Variants in ANKMY1 observed in about 807,000 individuals in gnomAD.
The protein encoded by ANKMY1 is ankyrin repeat and MYND domain containing 1.
In ANKMY1, 98 loss-of-function variants were observed where a neutral mutation model predicts 102.0. The observed-to-expected ratio is 0.96, with a 90% CI of 0.82 to 1.14. ANKMY1 has a LOEUF of 1.14. ANKMY1 is among the 50% of genes most tolerant of loss of function. The pLI is 0.00. For missense variants in ANKMY1, 1,330 were observed against 1,347.6 expected (o/e 0.99, Z 0.20); for synonymous variants, 582 against 559.9 (o/e 1.04, Z -0.56).
Position 240,529,308 on chromosome 2 carries a change from T to C in ANKMY1, c.682A>G (p.Lys228Glu). ...CCCTCCTGCAGTCCCCACTCCGTTT[T>C]CTCCTCTTCTGAGAGGCTGATCCTG... is the stretch of plus-strand genomic sequence containing the variant. ...PARISLSEEE[K>E]TEWGLQEGQD... The change falls in exon 5 of 18, where the codon AAA becomes GAA. Residue 228 changes from lysine to glutamate, a missense_variant. Lys to Glu is a moderately conservative substitution (Grantham distance 56, BLOSUM62 1). Coordinates refer to ENST00000401804, the MANE Select transcript of ANKMY1 (RefSeq NM_001282771.3). This position sits in a 1 kb window ranked among gnomAD's most constrained non-coding sequence, Gnocchi z 4.2. 6.2e-7 allele frequency: 1 copy of C among 1,614,186 alleles called. No individual in the cohort carries two copies. The highest frequency in any genetic ancestry group is 8.5e-7 in the Non-Finnish European group (1 of 1,180,036).
chr2:240,525,671 A>C lies in ANKMY1; in HGVS notation c.1335+14T>G, dbSNP rs2083211743. The C allele has an allele frequency of 1.9e-6, 3 of 1,612,736 alleles. No homozygotes were observed. Among genetic ancestry groups the C allele is most frequent in the South Asian group, 1.1e-5 (1 of 90,886 alleles). On this transcript the variant is annotated intron_variant, in intron 7 of 17. Coordinates refer to ENST00000401804, the MANE Select transcript of ANKMY1 (RefSeq NM_001282771.3). ...GGAGACAGTTGGTGGTGCAGTGGCCACCGGGGGGCTTACCTGGGGCTCAGG... is the reference window on the plus strand; with the variant it reads ...GGAGACAGTTGGTGGTGCAGTGGCCCCCGGGGGGCTTACCTGGGGCTCAGG...
At chr2:240,559,316 G>C (rs116788554), upstream of ANKMY1, among the ~76,000 whole-genome samples, 4,988 of 152,270 alleles carry the variant, frequency 0.033, 111 homozygotes, top group Middle Eastern at 0.14. Context: ...GGGACTTCAG[G>C]TTTTGTTTGA....
intron 4 of ANKMY1, among the ~76,000 whole-genome samples, chr2:240,539,628 G>C (rs543636563): frequency 6.6e-6 from 1 of 152,250 alleles, no homozygotes; most frequent in African/African-American, 2.4e-5. Context: ...TTCATCAGGG[G>C]AATAAACTAT....
the ANKMY1 span, among the ~76,000 whole-genome samples, chr2:240,472,436 C>T: frequency 5.3e-5 from 8 of 152,232 alleles, no homozygotes; most frequent in Non-Finnish European, 1.0e-4. Context: ...AGACCTCAGT[C>T]TCAGCTGTGA....
At chr2:240,524,408 T>C (rs2082942143) in intron 7 of ANKMY1, 27 bp from the exon 8 acceptor site, 3 of 1,570,304 alleles carry the variant, frequency 1.9e-6, no homozygotes, top group East Asian at 4.5e-5. Flanking sequence ...AAAAGTGTCA[T>C]TAGAATAAAT....
At position 240,511,899 on chromosome 2, in the gene ANKMY1, C is replaced by G. The variant is rs759423593; in HGVS notation, c.2248G>C (p.Ala750Pro). 1.9e-6 allele frequency: 3 copies of G among 1,587,134 alleles called. No homozygotes were observed. The highest frequency in any genetic ancestry group is 1.1e-5 in the South Asian group (1 of 89,982). ...TALPEEGGRTALHMACEREDD... is the reference protein window; with the variant it reads ...TALPEEGGRTPLHMACEREDD... ...TCCCGCTCGCAGGCCATGTGCAGAG[C>G]CGTCCTGCCCCCCTCCTCCGGGAGG... is the stretch of plus-strand genomic sequence containing the variant. The change falls in exon 11 of 18, where the codon GCT (alanine) becomes CCT (proline). Residue 750 changes from alanine (A) to proline (P), a missense_variant. By Grantham distance (27) the Ala-to-Pro change is conservative (BLOSUM62 -1). Coordinates refer to ENST00000401804, the MANE Select transcript of ANKMY1 (RefSeq NM_001282771.3).
chr2:240,492,754 G>A (rs992073939), intron 15 of ANKMY1, among the ~76,000 whole-genome samples: 5 of 151,990 alleles, frequency 3.3e-5, no homozygotes, highest in South Asian at 2.1e-4. Flanking sequence ...GCAGTGGCAC[G>A]ATCTCGGCTC....
intron 4 of ANKMY1, among the ~76,000 whole-genome samples, chr2:240,530,589 A>T (rs1484285457): frequency 2.6e-5 from 4 of 152,180 alleles, no homozygotes; most frequent in Non-Finnish European, 4.4e-5. Context: ...TGAGCCAATC[A>T]CACCTCTTTT....
chr2:240,506,565 G>A lies in ANKMY1; in HGVS notation c.2526+995C>T, dbSNP rs1272747051. Among the ~76,000 whole-genome samples, 5 of 152,240 alleles carry A rather than the reference G, an allele frequency of 3.3e-5. No homozygotes were observed. The highest frequency in any genetic ancestry group is 1.9e-4 in the East Asian group (1 of 5,156). On this transcript the variant is annotated intron_variant, in intron 13 of 17. Transcript: ENST00000401804. This position sits in a 1 kb window ranked among gnomAD's most constrained non-coding sequence, Gnocchi z 4.9. The stretch of plus-strand genomic sequence containing the variant: ...TTAAGTAAAGCTACCCTTTTGTGAC[G>A]TCAAACAACCTTCCAGACGCCTGAG...
chr2:240,554,839 A>G, intron 3 of ANKMY1, 27 bp downstream of exon 3: 1 of 1,612,348 alleles, frequency 6.2e-7, no homozygotes, highest in Non-Finnish European at 8.5e-7. Context: ...CTAGGGGAGG[A>G]GGCGGAGAAA....
chr2:240,532,235 A>C (rs1374423554), intron 4 of ANKMY1: 2 of 358,052 alleles, frequency 5.6e-6, no homozygotes, highest in Non-Finnish European at 1.2e-5. Context: ...CTCAACAGCA[A>C]AGATGGAAGC....
chr2:240,489,209 T>C (rs557680330), intron 15 of ANKMY1, among the ~76,000 whole-genome samples: 73 of 152,256 alleles, frequency 4.8e-4, no homozygotes, highest in African/African-American at 1.7e-3. Context: ...ATCTCAGCAC[T>C]TTGGGAGGCC....
intron 2 of ANKMY1, among the ~76,000 whole-genome samples, chr2:240,555,891 C>T (rs1377640277): frequency 3.3e-5 from 5 of 152,140 alleles, no homozygotes; most frequent in Non-Finnish European, 5.9e-5. Context: ...CTCAGTTCCC[C>T]CCCAGACGGA....
Position 240,553,719 on chromosome 2 carries a change from A to G in ANKMY1, c.337-662T>C, listed in dbSNP as rs1168446468. On this transcript the variant is annotated intron_variant, in intron 3 of 17. Transcript: ENST00000401804. ...AGACCAGCCTGACCAACATGGTGAAACCCTGTCTCTACTAAAAATACAAAA... is the reference window on the plus strand; with the variant it reads ...AGACCAGCCTGACCAACATGGTGAAGCCCTGTCTCTACTAAAAATACAAAA... 4 of 152,150 alleles carry G rather than the reference A, an allele frequency of 2.6e-5. No homozygotes were observed. The East Asian group carries it at 7.7e-4, about 29-fold the overall frequency. 9.4% of individuals were successfully genotyped at this position (152,150 alleles called of 1,614,324 possible).
intron 4 of ANKMY1, among the ~76,000 whole-genome samples, chr2:240,534,528 G>A (rs569511585): frequency 6.6e-6 from 1 of 152,204 alleles, no homozygotes; most frequent in East Asian, 1.9e-4. Context: ...CCTGAGCCCA[G>A]GAGGTCAATG....
At chr2:240,536,952 T>C (rs1011496671) in intron 4 of ANKMY1, among the ~76,000 whole-genome samples, 1 of 152,166 alleles carries the variant, frequency 6.6e-6, no homozygotes, top group Non-Finnish European at 1.5e-5. Flanking sequence ...TTCAAACTCC[T>C]GAGCTCAAGC....
intron 4 of ANKMY1, among the ~76,000 whole-genome samples, chr2:240,550,282 G>A (rs1425629546): frequency 5.4e-5 from 8 of 148,004 alleles, no homozygotes; most frequent in African/African-American, 1.8e-4. Context: ...CAAACACCGC[G>A]TATTCTCACT....
chr2:240,552,698 A>G, intron 4 of ANKMY1: 1 of 651,990 alleles, frequency 1.5e-6, no homozygotes, highest in Non-Finnish European at 2.5e-6. Flanking sequence ...AAGGACATGT[A>G]ACAATTTGCT....
rs1365005799 is a variant in ANKMY1 at position 240,499,805 on chromosome 2, C to T, written c.2806+153G>A. On this transcript the variant is annotated intron_variant, in intron 15 of 17. Transcript: ENST00000401804. The surrounding 1 kb of genome is among the most constrained non-coding windows in gnomAD (Gnocchi z 4.2). ...GTCTCTCCTGGACGAGCTCCTTGGA[C>T]GACGGGACACAAAGGGGACAAGCCG... Among the ~76,000 whole-genome samples the T allele has an allele frequency of 6.6e-6, 1 of 152,086 alleles. No homozygotes were observed.
Sources: allele counts gnomAD v4.1 joint callset (sites outside exome capture counted in the v4.1 genomes callset), GRCh38; gene constraint gnomAD v4.1.1; non-coding constraint Gnocchi (gnomAD v3.1); transcripts MANE v1.5; gene names NCBI Gene and HGNC (gene_info 2026-07-23, HGNC 2026-07-21).